The following MAGI3 variants were observed in gnomAD, a reference collection of about 807,000 sequenced individuals.
MAGI3 encodes the protein membrane-associated guanylate kinase, WW and PDZ domain-containing protein 3.
In MAGI3, 43 loss-of-function variants were observed where a neutral mutation model predicts 121.8. That is an observed-to-expected ratio of 0.35 (90% CI 0.28 to 0.46). MAGI3 has a LOEUF of 0.46. Ranked by LOEUF, MAGI3 falls within the 20% of genes least tolerant of loss-of-function variation. The pLI, the probability that MAGI3 is intolerant of heterozygous loss-of-function variation, is 1.00. For missense variants in MAGI3, 1,547 were observed against 1,797.3 expected (o/e 0.86, Z 2.52); for synonymous variants, 553 against 639.3 (o/e 0.86, Z 2.04).
intron 1 of MAGI3, among the ~76,000 whole-genome samples, chr1:113,442,536 T>C (rs1653967833): frequency 6.6e-6 from 1 of 152,050 alleles, no homozygotes. Flanking sequence ...AGAGTCTTCA[T>C]TCTCAAAAAT....
chr1:113,425,196 A>G (rs1652936156), intron 1 of MAGI3, among the ~76,000 whole-genome samples: 1 of 151,582 alleles, frequency 6.6e-6, no homozygotes, highest in Non-Finnish European at 1.5e-5. Context: ...TTTTGTTTAC[A>G]TGTTTGGTAA....
chr1:113,565,636 T>C (rs1343908911), intron 2 of MAGI3, among the ~76,000 whole-genome samples: 2 of 152,232 alleles, frequency 1.3e-5, no homozygotes, highest in Non-Finnish European at 2.9e-5. Context: ...CAGAGTTGTG[T>C]GTTGAAACTG....
intron 2 of MAGI3, among the ~76,000 whole-genome samples, chr1:113,579,254 A>T (rs1269912716): frequency 6.6e-6 from 1 of 152,212 alleles, no homozygotes; most frequent in African/African-American, 2.4e-5. Context: ...GGTTCTCTAA[A>T]GGAACTTTCT....
chr1:113,444,166 T>C (rs997251776), intron 1 of MAGI3, among the ~76,000 whole-genome samples: 2 of 152,254 alleles, frequency 1.3e-5, no homozygotes, highest in African/African-American at 4.8e-5. Context: ...CAGGCAGTTG[T>C]GCCAACAGGT....
At chr1:113,432,678 G>C (rs1653365590) in intron 1 of MAGI3, among the ~76,000 whole-genome samples, 2 of 151,484 alleles carry the variant, frequency 1.3e-5, no homozygotes, top group East Asian at 3.9e-4. Context: ...TATCATGAAG[G>C]AAAAAAATAA....
chr1:113,613,659 G>A (rs762737995), intron 6 of MAGI3, among the ~76,000 whole-genome samples: 2 of 152,074 alleles, frequency 1.3e-5, no homozygotes, highest in Non-Finnish European at 2.9e-5. Context: ...GAAAATAAAA[G>A]CGTGGGACAT....
At chr1:113,678,607 G>A (rs566485241) in intron 19 of MAGI3, among the ~76,000 whole-genome samples, 2 of 152,172 alleles carry the variant, frequency 1.3e-5, no homozygotes, top group Non-Finnish European at 2.9e-5. Flanking sequence ...ATAGAATGGA[G>A]TGCAGTCTAC....
At chr1:113,668,969 A>C (rs998899259) in intron 16 of MAGI3, among the ~76,000 whole-genome samples, 2 of 152,236 alleles carry the variant, frequency 1.3e-5, no homozygotes, top group Admixed American at 6.5e-5. Flanking sequence ...AAGGTAGAGG[A>C]AAACTTGAAA....
intron 1 of MAGI3, among the ~76,000 whole-genome samples, chr1:113,415,590 C>T (rs1373531714): frequency 1.3e-5 from 2 of 151,942 alleles, no homozygotes; most frequent in Non-Finnish European, 2.9e-5. Context: ...TTTGTTTAGT[C>T]GTTCCTGTTT....
At chr1:113,576,175 C>A (rs1228287443) in intron 2 of MAGI3, among the ~76,000 whole-genome samples, 1 of 152,166 alleles carries the variant, frequency 6.6e-6, no homozygotes, top group Non-Finnish European at 1.5e-5. Context: ...TCCCTGGCTT[C>A]AGCCCCCTTT....
intron 6 of MAGI3, among the ~76,000 whole-genome samples, chr1:113,611,598 A>G (rs947135327): frequency 3.9e-5 from 6 of 152,194 alleles, no homozygotes; most frequent in East Asian, 1.9e-4. Context: ...TATGCAGTCT[A>G]TTAGTGTTTA....
At chr1:113,560,430 C>CA (rs960431533) in intron 2 of MAGI3, among the ~76,000 whole-genome samples, 6 of 150,730 alleles carry the variant, frequency 4.0e-5, no homozygotes, top group African/African-American at 1.2e-4. Context: ...AACAATAAAA[C>CA]AAAAAAAGAA....
At chr1:113,499,256 GAC>G (rs1471825558) in intron 1 of MAGI3, among the ~76,000 whole-genome samples, 1 of 15,698 alleles carries the variant, frequency 6.4e-5, no homozygotes, top group Non-Finnish European at 1.1e-4. Flanking sequence ...GCAATTAAAA[GAC>G]ACAGACTGGC....
chr1:113,557,086 ACT>A (rs1378110572), intron 2 of MAGI3, among the ~76,000 whole-genome samples: 2 of 152,212 alleles, frequency 1.3e-5, no homozygotes, highest in Non-Finnish European at 2.9e-5. Flanking sequence ...TGTTTGGTCG[ACT>A]CAGCCATTCC....
intron 6 of MAGI3, among the ~76,000 whole-genome samples, chr1:113,612,149 G>A (rs535431295): frequency 4.2e-4 from 64 of 151,970 alleles, no homozygotes; most frequent in Non-Finnish European, 7.2e-4. Context: ...TCACAATGTT[G>A]GCCAGGATGG....
chr1:113,518,991 C>A (rs1363705802), intron 1 of MAGI3, among the ~76,000 whole-genome samples: 2 of 152,068 alleles, frequency 1.3e-5, no homozygotes, highest in Non-Finnish European at 2.9e-5. Flanking sequence ...AAGTTTGTTT[C>A]CCCCGTTACT....
At chr1:113,403,273 G>C (rs996693578) in intron 1 of MAGI3, among the ~76,000 whole-genome samples, 8 of 151,934 alleles carry the variant, frequency 5.3e-5, no homozygotes. Flanking sequence ...CTGTGATCCA[G>C]GTGATCAGGG....
chr1:113,633,521 A>G (rs1366961888), intron 9 of MAGI3, among the ~76,000 whole-genome samples: 5 of 151,960 alleles, frequency 3.3e-5, no homozygotes. Context: ...TCGGCCTCCC[A>G]AAGTGCTGGG....
intron 1 of MAGI3, among the ~76,000 whole-genome samples, chr1:113,504,945 A>G (rs1246173907): frequency 6.6e-6 from 1 of 152,188 alleles, no homozygotes; most frequent in African/African-American, 2.4e-5. Context: ...AGAAGTATGT[A>G]TTAATATATC....
Sources: allele counts gnomAD v4.1 joint callset (sites outside exome capture counted in the v4.1 genomes callset), GRCh38; gene constraint gnomAD v4.1.1; transcripts MANE v1.5; gene names NCBI Gene and HGNC (gene_info 2026-07-23, HGNC 2026-07-21).